ATRX: variants seen among roughly 807,000 people sequenced by gnomAD.
The protein encoded by ATRX is ATRX chromatin remodeler, also known as chromatin remodeler ATRX.
Under a neutral mutation model 172.6 loss-of-function variants are expected in ATRX, and 12 were observed. The ratio of observed to expected loss-of-function variants is 0.07; its 90% CI spans 0.04 to 0.11. The LOEUF (loss-of-function observed/expected upper bound fraction) is 0.11, where lower values mean the gene tolerates loss of function less well. Ranked by LOEUF, ATRX falls within the 10% of genes least tolerant of loss-of-function variation. ATRX has a pLI of 1.00. For missense variants in ATRX, 1,368 were observed against 1,767.4 expected, an observed-to-expected ratio of 0.77 and a Z score of 4.05; for synonymous variants, 674 against 594.7, an observed-to-expected ratio of 1.13 and a Z score of -1.94.
intron 21 of ATRX, among the ~76,000 whole-genome samples, chrX:77,617,264 GA>G (rs1334542133): frequency 8.9e-6 from 1 of 111,882 alleles, no homozygotes; most frequent in African/African-American, 3.2e-5. Flanking sequence ...TTTATTGTAA[GA>G]GTAGAAAAAC....
At chrX:77,666,850 G>T (rs1044626059) in intron 10 of ATRX, among the ~76,000 whole-genome samples, 1 of 110,747 alleles carries the variant, frequency 9.0e-6, no homozygotes, top group African/African-American at 3.3e-5. Flanking sequence ...ACAAAACTCT[G>T]TCTCAAAAGA....
intron 28 of ATRX, among the ~76,000 whole-genome samples, chrX:77,569,186 G>T (rs782065105): frequency 9.0e-6 from 1 of 110,963 alleles, no homozygotes; most frequent in Non-Finnish European, 1.9e-5. Flanking sequence ...AGTTAATGAA[G>T]ACAGAATGCT....
At chrX:77,762,566 A>G (rs1480351753) in intron 1 of ATRX, among the ~76,000 whole-genome samples, 5 of 111,336 alleles carry the variant, frequency 4.5e-5, no homozygotes, top group Non-Finnish European at 3.8e-5. Flanking sequence ...CAGTCTTTCA[A>G]AACAGGAAAA....
chrX:77,556,725 T>A (rs971516200), intron 30 of ATRX, among the ~76,000 whole-genome samples: 3 of 112,390 alleles, frequency 2.7e-5, no homozygotes, highest in East Asian at 5.6e-4. Flanking sequence ...AAATAAAGCA[T>A]CCTAAATGTC....
At chrX:77,527,904 C>T (rs1283176443) in intron 30 of ATRX, among the ~76,000 whole-genome samples, 1 of 111,628 alleles carries the variant, frequency 9.0e-6, no homozygotes, top group African/African-American at 3.3e-5. Flanking sequence ...AGGGGCCGCC[C>T]ACAGCGCAGT....
chrX:77,588,923 A>G (rs2066134966), intron 27 of ATRX, among the ~76,000 whole-genome samples: 1 of 112,251 alleles, frequency 8.9e-6, no homozygotes, highest in Non-Finnish European at 1.9e-5. Flanking sequence ...ATAAGATACC[A>G]CTTCACAACC....
At chrX:77,522,664 A>C (rs2063269046) in intron 31 of ATRX, among the ~76,000 whole-genome samples, 1 of 111,796 alleles carries the variant, frequency 8.9e-6, no homozygotes, top group Non-Finnish European at 1.9e-5. Context: ...ACTAATGTTA[A>C]AGAAGTTTGG....
At chrX:77,535,181 T>C (rs1380135421) in intron 30 of ATRX, among the ~76,000 whole-genome samples, 1 of 112,337 alleles carries the variant, frequency 8.9e-6, no homozygotes, top group Non-Finnish European at 1.9e-5. Flanking sequence ...ACTAGAGAGC[T>C]TATTGAATGA....
At chrX:77,677,670 T>TG (rs1282842581) in intron 9 of ATRX, among the ~76,000 whole-genome samples, 2 of 109,679 alleles carry the variant, frequency 1.8e-5, no homozygotes, top group Non-Finnish European at 3.8e-5. Context: ...CCTGTATTTT[T>TG]TTTTTTTTTT....
chrX:77,738,886 A>G (rs1557180486), intron 1 of ATRX, among the ~76,000 whole-genome samples: 1 of 111,674 alleles, frequency 9.0e-6, no homozygotes, highest in East Asian at 2.8e-4. Context: ...GACGAAGGAT[A>G]AGCTAAGATA....
intron 1 of ATRX, among the ~76,000 whole-genome samples, chrX:77,772,447 CAT>C (rs1359289320): frequency 2.1e-5 from 2 of 93,949 alleles, no homozygotes; most frequent in African/African-American, 3.9e-5. Context: ...GCCTGGGAAA[CAT>C]AGCGAGATCC....
intron 1 of ATRX, among the ~76,000 whole-genome samples, chrX:77,772,068 G>A (rs1021031746): frequency 2.7e-5 from 3 of 110,946 alleles, no homozygotes; most frequent in African/African-American, 9.8e-5. Flanking sequence ...GCCGAGGCGG[G>A]CGGATCACCT....
At chrX:77,725,531 C>A (rs1198789251) in intron 1 of ATRX, among the ~76,000 whole-genome samples, 1 of 111,629 alleles carries the variant, frequency 9.0e-6, no homozygotes, top group Non-Finnish European at 1.9e-5. Context: ...AGAAGAAAAC[C>A]TAGGCAATAC....
At chrX:77,677,866 G>T (rs1603205893) in intron 9 of ATRX, among the ~76,000 whole-genome samples, 1 of 110,817 alleles carries the variant, frequency 9.0e-6, no homozygotes, top group Non-Finnish European at 1.9e-5. Flanking sequence ...GGAAATGGAG[G>T]AAAAAATCTA....
Position 77,684,564 on chromosome X carries a change from C to T in ATRX, c.692G>A (p.Cys231Tyr), listed in dbSNP as rs1353833841. ...GAAAGCATTATGGCAAAAGTCACAA[C>T]AAATCAAGTTTCCACCTTCCGCACA... is the stretch of plus-strand genomic sequence containing the variant. ...RWCAEGGNLICCDFCHNAFCK... is the reference protein window; with the variant it reads ...RWCAEGGNLIYCDFCHNAFCK... Residue 231 changes from cysteine to tyrosine, a missense_variant, in exon 9 of 35, where the codon TGT (cysteine) becomes TAT (tyrosine). Coordinates refer to ENST00000373344, the MANE Select transcript of ATRX (RefSeq NM_000489.6). The T allele has an allele frequency of 8.3e-7, 1 of 1,209,423 alleles. No individual in the cohort carries two copies. The highest frequency in any genetic ancestry group is 1.7e-5 in the African/African-American group (1 of 57,225).
At chrX:77,618,701 G>T in intron 21 of ATRX, 105 bp downstream of exon 21, 1 of 810,089 alleles carries the variant, frequency 1.2e-6, no homozygotes, top group Non-Finnish European at 1.8e-6. Flanking sequence ...TACTGAAAGA[G>T]CGGGAAAGAA....
rs1464879056 is a variant in ATRX at position 77,677,035 on chromosome X, T to C, written c.3737-737A>G. Among the ~76,000 whole-genome samples, 7 of 108,260 alleles carry C rather than the reference T, an allele frequency of 6.5e-5. No homozygotes were observed. The Admixed American group carries it at 7.0e-4, about 11-fold the overall frequency. The allele number at this position is 108,260 out of a possible 115,157, so 94.0% of individuals were successfully genotyped here. On this transcript the variant is annotated intron_variant, in intron 9 of 34. Transcript: ENST00000373344. Reference sequence around the variant, plus strand: ...TACTAGGGAGGCTGAGGCAGGAGAATCACTTGAACCTGGGAGGCGGAGGTT... The same window carrying C: ...TACTAGGGAGGCTGAGGCAGGAGAACCACTTGAACCTGGGAGGCGGAGGTT...
chrX:77,638,669 T>A (rs2068513227), intron 15 of ATRX, among the ~76,000 whole-genome samples: 1 of 112,516 alleles, frequency 8.9e-6, no homozygotes, highest in Non-Finnish European at 1.9e-5. Context: ...CATTGTCACA[T>A]CCAAAAAACT....
chrX:77,766,992 C>T (rs1364898731), intron 1 of ATRX, among the ~76,000 whole-genome samples: 2 of 112,309 alleles, frequency 1.8e-5, no homozygotes, highest in Non-Finnish European at 3.8e-5. Flanking sequence ...CCGAGGCTGG[C>T]GGATCACTCG....
Sources: allele counts gnomAD v4.1 joint callset (sites outside exome capture counted in the v4.1 genomes callset), GRCh38; gene constraint gnomAD v4.1.1; transcripts MANE v1.5; gene names NCBI Gene and HGNC (gene_info 2026-07-23, HGNC 2026-07-21).